The following MCTP1 variants were observed in gnomAD, a reference collection of about 807,000 sequenced individuals.
MCTP1 encodes the protein multiple C2 and transmembrane domain-containing protein 1.
MCTP1 carries 69 observed loss-of-function variants against 120.6 expected under a neutral mutation model. That is an observed-to-expected ratio of 0.57 (90% CI 0.47 to 0.70). The LOEUF (loss-of-function observed/expected upper bound fraction) is 0.70. Ranked by LOEUF, MCTP1 falls within the 30% of genes least tolerant of loss-of-function variation. The pLI, the probability that MCTP1 is intolerant of heterozygous loss-of-function variation, is 0.00. For missense variants in MCTP1, 1,203 were observed against 1,248.8 expected, an observed-to-expected ratio of 0.96 and a Z score of 0.55; for synonymous variants, 529 against 493.1, an observed-to-expected ratio of 1.07 and a Z score of -0.96.
chr5:95,134,545 G>A (rs1276736930), intron 1 of MCTP1, among the ~76,000 whole-genome samples: 2 of 152,164 alleles, frequency 1.3e-5, no homozygotes, highest in African/African-American at 2.4e-5. Flanking sequence ...GGTGGGGCAG[G>A]ATGGCCTAGG....
At position 95,067,716 on chromosome 5, in the gene MCTP1, A is replaced by T. The variant is rs1751038969; in HGVS notation, c.721-50232T>A. On this transcript the variant is annotated intron_variant, in intron 1 of 22. Transcript: ENST00000515393. ...GTATGTATTTATGGGATACACAGTG[A>T]TGTTTTGATCTACATATACACTGTG... 1.3e-5 allele frequency among the ~76,000 whole-genome samples: 2 copies of T among 152,156 alleles called. 1 individual carries two copies. Among genetic ancestry groups the T allele is most frequent in the South Asian group, 4.1e-4 (2 of 4,834 alleles).
At chr5:94,941,693 T>C (rs191729991) in intron 4 of MCTP1, among the ~76,000 whole-genome samples, 27 of 152,176 alleles carry the variant, frequency 1.8e-4, no homozygotes, top group African/African-American at 6.5e-4. Flanking sequence ...TATTTTTTTA[T>C]TCTATAATAC....
chr5:94,945,846 G>A (rs955364155), intron 3 of MCTP1, among the ~76,000 whole-genome samples: 6 of 152,200 alleles, frequency 3.9e-5, no homozygotes, highest in Non-Finnish European at 8.8e-5. Context: ...TGAGGAAAGT[G>A]TCTTCTGCAA....
intron 1 of MCTP1, among the ~76,000 whole-genome samples, chr5:95,162,533 T>C (rs1745860539): frequency 6.6e-6 from 1 of 152,204 alleles, no homozygotes; most frequent in Non-Finnish European, 1.5e-5. Flanking sequence ...AAATATATCA[T>C]GTTTGCACAA....
intron 1 of MCTP1, among the ~76,000 whole-genome samples, chr5:95,083,188 T>C (rs1486131892): frequency 2.0e-5 from 3 of 152,128 alleles, no homozygotes; most frequent in African/African-American, 7.2e-5. Context: ...TGGCAAATAA[T>C]ATAAAATTAA....
At chr5:95,140,879 CAAAAAAAAAAAAAAAAA>C (rs33910299) in intron 1 of MCTP1, among the ~76,000 whole-genome samples, 1 of 45,346 alleles carries the variant, frequency 2.2e-5, no homozygotes, top group Non-Finnish European at 4.0e-5. Flanking sequence ...GACTCCGTCT[CAAAAAAAAAAAAAAAAA>C]AAAAAAAAGT....
At chr5:95,116,635 C>A (rs912026879) in intron 1 of MCTP1, among the ~76,000 whole-genome samples, 1 of 151,792 alleles carries the variant, frequency 6.6e-6, no homozygotes, top group African/African-American at 2.4e-5. Flanking sequence ...GCAGTATGGC[C>A]ATTTTCACGA....
At chr5:95,132,263 A>G (rs983098600) in intron 1 of MCTP1, among the ~76,000 whole-genome samples, 1 of 152,214 alleles carries the variant, frequency 6.6e-6, no homozygotes, top group African/African-American at 2.4e-5. Context: ...CACATTTGAC[A>G]GTGTTTTGTT....
chr5:94,870,432 G>A lies in MCTP1; in HGVS notation c.2301C>T (p.Asn767=). 1 of 1,611,062 alleles carries A rather than the reference G, an allele frequency of 6.2e-7. No individual in the cohort carries two copies. The highest frequency in any genetic ancestry group is 8.5e-7 in the Non-Finnish European group (1 of 1,177,638). Residue 767 remains asparagine (N), a synonymous_variant, in exon 16 of 23, where the codon AAC becomes AAT. Transcript: ENST00000515393. ...TGCTTTTTACCTGTTTAGAGAGTCT[G>A]TTTTCCTCTTCAATGTACTTCTGTT... is the stretch of plus-strand genomic sequence containing the variant. ...PKEQKYIEEE[N]RLSKQLLLRN...
intron 19 of MCTP1, among the ~76,000 whole-genome samples, chr5:94,734,667 G>A: frequency 6.6e-6 from 1 of 152,184 alleles, no homozygotes; most frequent in Non-Finnish European, 1.5e-5. Flanking sequence ...ATTTTGTCCA[G>A]GTAGGTCTTA....
intron 2 of MCTP1, among the ~76,000 whole-genome samples, chr5:94,992,647 C>T (rs1041962957): frequency 6.6e-6 from 1 of 152,182 alleles, no homozygotes; most frequent in East Asian, 1.9e-4. Flanking sequence ...GGGAGTAGGG[C>T]TTAACAGATG....
rs561785750 is a variant in MCTP1 at position 94,763,856 on chromosome 5, C to A, written c.2610+15254G>T. Among the ~76,000 whole-genome samples the A allele has an allele frequency of 1.4e-4, 21 of 152,262 alleles. No individual in the cohort carries two copies. In the South Asian group the frequency reaches 3.9e-3, roughly 29 times the overall value. On this transcript the variant is annotated intron_variant, in intron 19 of 22. Coordinates refer to ENST00000515393, the MANE Select transcript of MCTP1 (RefSeq NM_024717.7). The stretch of plus-strand genomic sequence containing the variant: ...TTCTGAGACTTTGATTACTGCTATA[C>A]AAAATTCATGTTTTATGTCAAATTA...
chr5:94,870,554 C>T (rs1581123851), intron 15 of MCTP1, 63 bp from the exon 16 acceptor site: 26 of 1,210,312 alleles, frequency 2.1e-5, no homozygotes, highest in Admixed American at 1.1e-4. Context: ...AAGTTTTTCA[C>T]GCAGTTCAAT....
intron 2 of MCTP1, among the ~76,000 whole-genome samples, chr5:94,983,058 G>A (rs1829784198): frequency 6.6e-6 from 1 of 152,072 alleles, no homozygotes; most frequent in African/African-American, 2.4e-5. Context: ...GGGGACACAT[G>A]TAAAGTACCT....
intron 13 of MCTP1, 82 bp from the exon 14 acceptor site, chr5:94,871,499 T>G (rs1581129098): frequency 1.1e-6 from 1 of 913,900 alleles, no homozygotes; most frequent in East Asian, 2.6e-5. Flanking sequence ...TTTAGATAGC[T>G]CCAGCTGATT....
In MCTP1 at chr5:94,946,805, C is replaced by T. The variant is rs116084600; in HGVS notation, c.982-4378G>A. ...GATCTCACTCAGGTCTTGCTTTGAC[C>T]ACCCACGTGGACATTCCCTTAAATC... On this transcript the variant is annotated intron_variant, in intron 3 of 22. Transcript: ENST00000515393. Among the ~76,000 whole-genome samples, 414 of 152,274 alleles carry T rather than the reference C, an allele frequency of 2.7e-3. 2 individuals carry two copies. The highest frequency in any genetic ancestry group is 9.4e-3 in the African/African-American group (389 of 41,564).
At chr5:95,211,914 G>A (rs1253893396) in intron 1 of MCTP1, among the ~76,000 whole-genome samples, 1 of 152,068 alleles carries the variant, frequency 6.6e-6, no homozygotes, top group African/African-American at 2.4e-5. Context: ...TCAGCTGCAG[G>A]TCTGTTGGAG....
At chr5:94,822,018 A>T (rs1785775265) in intron 17 of MCTP1, among the ~76,000 whole-genome samples, 1 of 152,144 alleles carries the variant, frequency 6.6e-6, no homozygotes, top group Admixed American at 6.6e-5. Context: ...AAGTAACTGC[A>T]GTTTTGCCAT....
intron 1 of MCTP1, among the ~76,000 whole-genome samples, chr5:95,178,349 C>G (rs975214452): frequency 6.6e-6 from 1 of 152,192 alleles, no homozygotes; most frequent in African/African-American, 2.4e-5. Context: ...ACAGCTGCAG[C>G]TGATACGCTC....
Sources: allele counts gnomAD v4.1 joint callset (sites outside exome capture counted in the v4.1 genomes callset), GRCh38; gene constraint gnomAD v4.1.1; transcripts MANE v1.5; gene names NCBI Gene and HGNC (gene_info 2026-07-23, HGNC 2026-07-21).